FAM169A: variants seen among roughly 807,000 people sequenced by gnomAD.
FAM169A encodes family with sequence similarity 169 member A.
In FAM169A, 24 loss-of-function variants were observed where a neutral mutation model predicts 75.7. The ratio of observed to expected loss-of-function variants is 0.32; its 90% confidence interval spans 0.23 to 0.45. The LOEUF is 0.45. Ranked by LOEUF, FAM169A falls within the 20% of genes least tolerant of loss-of-function variation. The pLI, the probability that FAM169A is intolerant of heterozygous loss-of-function variation, is 1.00. For synonymous variants in FAM169A, 271 were observed against 271.0 expected (o/e 1.00, Z 0.00); for missense variants, 673 against 784.0 (o/e 0.86, Z 1.69).
At chr5:74,795,196 TGC>T (rs1746206504) in intron 11 of FAM169A, among the ~76,000 whole-genome samples, 1 of 152,020 alleles carries the variant, frequency 6.6e-6, no homozygotes, top group South Asian at 2.1e-4. Context: ...AAGCAGAGGT[TGC>T]AGTGAGCCAA....
chr5:74,835,067 G>T (rs1301159435), intron 4 of FAM169A, among the ~76,000 whole-genome samples: 1 of 151,208 alleles, frequency 6.6e-6, no homozygotes, highest in African/African-American at 2.4e-5. Context: ...ACATCATTTG[G>T]TGAGGGAAGC....
In FAM169A at chr5:74,818,803, C is replaced by CTATA. The variant is rs58520219; in HGVS notation, c.491-4788_491-4785dup. Among the ~76,000 whole-genome samples, 561 of 121,614 alleles carry CTATA rather than the reference C, an allele frequency of 4.6e-3. 5 individuals carry two copies. Among genetic ancestry groups the CTATA allele is most frequent in the African/African-American group, 0.013 (365 of 29,186 alleles). 79.8% of individuals were successfully genotyped at this position (121,614 alleles called of 152,430 possible). A position where few individuals can be genotyped will look rare whatever the true frequency, so the allele number is the denominator to read the frequency against. Reference sequence around the variant, plus strand: ...TCTCTCTCTCTCTCTCTCTCTCTCTCTATATATATATATATATATATGTCA... The same window carrying CTATA: ...TCTCTCTCTCTCTCTCTCTCTCTCTCTATATATATATATATATATATATATGTCA... On this transcript the variant is annotated intron_variant, in intron 5 of 12. Coordinates refer to ENST00000687041, the MANE Select transcript of FAM169A (RefSeq NM_001376049.1).
chr5:74,838,325 A>T (rs1374320356), intron 4 of FAM169A, among the ~76,000 whole-genome samples: 1 of 152,102 alleles, frequency 6.6e-6, no homozygotes, highest in African/African-American at 2.4e-5. Context: ...CAGCCACCAA[A>T]GATTTCATCT....
Position 74,782,980 on chromosome 5 carries a change from G to A in FAM169A, c.1415C>T (p.Pro472Leu). 6.2e-7 allele frequency: 1 copy of A among 1,613,894 alleles called. No individual in the cohort carries two copies. Among genetic ancestry groups the A allele is most frequent in the South Asian group, 1.1e-5 (1 of 91,058 alleles). The part of the protein sequence containing the change: ...NSSEDSTNLV[P>L]LVVESSKPPE... ...GGGTTTTGAAGATTCTACCACCAGT[G>A]GAACAAGATTTGTAGAGTCTTCACT... Residue 472 changes from proline (P) to leucine (L), a missense_variant, in exon 12 of 13, where the codon CCA becomes CTA. Coordinates refer to ENST00000687041, the MANE Select transcript of FAM169A (RefSeq NM_001376049.1).
At chr5:74,801,530 C>T in intron 9 of FAM169A, 60 bp downstream of exon 9, 3 of 1,286,964 alleles carry the variant, frequency 2.3e-6, no homozygotes, top group African/African-American at 1.5e-5. Context: ...CACACACACA[C>T]ACACAGCCCT....
At chr5:74,795,496 GAGT>G (rs1746223257) in intron 11 of FAM169A, among the ~76,000 whole-genome samples, 1 of 152,068 alleles carries the variant, frequency 6.6e-6, no homozygotes, top group Admixed American at 6.5e-5. Flanking sequence ...CCCAGATGAA[GAGT>G]TTACTTAGTT....
chr5:74,824,730 T>C (rs570652923), intron 5 of FAM169A, among the ~76,000 whole-genome samples: 156 of 145,550 alleles, frequency 1.1e-3, no homozygotes, highest in Middle Eastern at 3.5e-3. Flanking sequence ...CACACACACA[T>C]ACACACACAC....
chr5:74,813,943 G>A lies in FAM169A; in HGVS notation c.567C>T (p.Tyr189=). The change falls in exon 6 of 13, where the codon TAC becomes TAT. Residue 189 remains tyrosine, a synonymous_variant. Transcript: ENST00000687041. The stretch of plus-strand genomic sequence containing the variant: ...TGTGAAGCCCAAAATCTTTACCTCT[G>A]TATTTCTTTCTTAGAAACATTGTAT... The part of the protein sequence containing the change: ...VLDTMFLRKK[Y]RGKDFGLHML... The A allele has an allele frequency of 6.2e-7, 1 of 1,607,786 alleles. No homozygotes were observed. Among genetic ancestry groups the A allele is most frequent in the Non-Finnish European group, 8.5e-7 (1 of 1,178,402 alleles).
chr5:74,856,929 G>A (rs1015733400), intron 1 of FAM169A, among the ~76,000 whole-genome samples: 1 of 151,520 alleles, frequency 6.6e-6, no homozygotes, highest in Non-Finnish European at 1.5e-5. Context: ...CTAACACGGT[G>A]AAACCCCATC....
intron 4 of FAM169A, among the ~76,000 whole-genome samples, chr5:74,836,210 C>T (rs1377353270): frequency 6.6e-6 from 1 of 152,162 alleles, no homozygotes. Context: ...AAGCCCAATA[C>T]TTTTTCATAC....
At position 74,839,435 on chromosome 5, in the gene FAM169A, T is replaced by C. The variant is rs909454708; in HGVS notation, c.233-385A>G. Among the ~76,000 whole-genome samples, 5 of 152,122 alleles carry C rather than the reference T, an allele frequency of 3.3e-5. No individual in the cohort carries two copies. In the East Asian group the frequency reaches 5.8e-4, roughly 18 times the overall value. On this transcript the variant is annotated intron_variant, in intron 3 of 12. Transcript: ENST00000687041. ...ACACACTCTCTCTTGCCTGCAACCATGTAAGACGTGCCTGCTTCCCCTTCT... is the reference window on the plus strand; with the variant it reads ...ACACACTCTCTCTTGCCTGCAACCACGTAAGACGTGCCTGCTTCCCCTTCT...
At chr5:74,804,017 G>A (rs903227685) in intron 8 of FAM169A, among the ~76,000 whole-genome samples, 3 of 152,084 alleles carry the variant, frequency 2.0e-5, no homozygotes, top group Non-Finnish European at 2.9e-5. Context: ...TAATAGAATA[G>A]TGTGCTGCTA....
intron 11 of FAM169A, among the ~76,000 whole-genome samples, chr5:74,793,681 C>A (rs968711644): frequency 1.3e-5 from 2 of 152,194 alleles, no homozygotes; most frequent in Middle Eastern, 6.8e-3. Context: ...TAACCAAACA[C>A]CCATCTGCTC....
intron 10 of FAM169A, chr5:74,800,237 G>T: frequency 3.1e-5 from 7 of 223,182 alleles, no homozygotes; most frequent in South Asian, 2.4e-4. Flanking sequence ...TGAAAATGTT[G>T]GTTTTTTAAA....
At chr5:74,785,729 T>C (rs1347944932) in intron 11 of FAM169A, among the ~76,000 whole-genome samples, 1 of 152,216 alleles carries the variant, frequency 6.6e-6, no homozygotes, top group African/African-American at 2.4e-5. Context: ...GCCACTGCAC[T>C]CCAGCCTGCA....
chr5:74,866,084 G>C, intron 1 of FAM169A, 81 bp downstream of exon 1: 1 of 726,938 alleles, frequency 1.4e-6, no homozygotes, highest in Non-Finnish European at 1.7e-6. Flanking sequence ...CGCGGGTCTG[G>C]TGCTGGCGGG....
intron 5 of FAM169A, among the ~76,000 whole-genome samples, chr5:74,814,224 TTA>T (rs1747355392): frequency 6.6e-6 from 1 of 152,174 alleles, no homozygotes; most frequent in African/African-American, 2.4e-5. Flanking sequence ...GCTATGTATT[TTA>T]TGTTTGCTAG....
At chr5:74,801,725 G>C (rs1746589622) in intron 8 of FAM169A, 96 bp from the exon 9 acceptor site, 2 of 914,776 alleles carry the variant, frequency 2.2e-6, no homozygotes, top group African/African-American at 1.7e-5. Context: ...CTTGTAAAAT[G>C]TTTTCCAAAT....
chr5:74,844,734 T>C lies in FAM169A; in HGVS notation c.-3-3055A>G, dbSNP rs1486577072. Among the ~76,000 whole-genome samples the C allele has an allele frequency of 2.0e-5, 3 of 152,112 alleles. No homozygotes were observed. The East Asian group carries it at 5.8e-4, about 29-fold the overall frequency. ...CGGGAGGCTGAGGCAGGAGAATTGC[T>C]TGAACCCGGGAGGTGGAGTGTACGG... On this transcript the variant is annotated intron_variant, in intron 1 of 12. Transcript: ENST00000687041.
Sources: gnomAD v4.1 joint callset for allele counts (sites outside exome capture counted in the v4.1 genomes callset) on GRCh38, gnomAD v4.1.1 for gene constraint, MANE v1.5 for transcripts, NCBI Gene and HGNC (gene_info 2026-07-23, HGNC 2026-07-21) for gene names.